The following RBFOX1 variants were observed in gnomAD, a reference collection of about 807,000 sequenced individuals.
RBFOX1 encodes RNA binding protein fox-1 homolog 1.
In RBFOX1, 8 loss-of-function variants were observed where a neutral mutation model predicts 57.7. That is an observed-to-expected ratio of 0.14 (90% CI 0.08 to 0.25). RBFOX1 has a LOEUF of 0.25. Among genes scored for constraint, RBFOX1 ranks in the 10% least tolerant of loss-of-function variants. The pLI is 1.00. For synonymous variants in RBFOX1, 326 were observed against 222.4 expected (o/e 1.47, Z -4.15); for missense variants, 611 against 548.5 (o/e 1.11, Z -1.14).
intron 2 of RBFOX1, among the ~76,000 whole-genome samples, chr16:5,550,223 T>C (rs1371514211): frequency 6.6e-6 from 1 of 152,120 alleles, no homozygotes; most frequent in Non-Finnish European, 1.5e-5. Context: ...TGGAGGACAT[T>C]GTAGGGTAGG....
At chr16:5,978,592 T>G (rs767378925) in intron 4 of RBFOX1, among the ~76,000 whole-genome samples, 5 of 152,188 alleles carry the variant, frequency 3.3e-5, no homozygotes, top group Admixed American at 6.5e-5. Flanking sequence ...GGTACCACAT[T>G]GCATTTGGTT....
intron 1 of RBFOX1, among the ~76,000 whole-genome samples, chr16:5,404,744 C>T (rs528126654): frequency 2.6e-5 from 4 of 152,290 alleles, no homozygotes; most frequent in South Asian, 4.1e-4. Flanking sequence ...GCCTGCAGGG[C>T]AAGATCCTGT....
intron 2 of RBFOX1, among the ~76,000 whole-genome samples, chr16:6,320,237 C>G (rs933798008): frequency 6.6e-6 from 1 of 152,148 alleles, no homozygotes; most frequent in South Asian, 2.1e-4. Flanking sequence ...GGAGATTAGA[C>G]TCGCAGCTTT....
rs56961445 is a variant in RBFOX1 at position 7,551,106 on chromosome 16, GA to G, written c.271-28662del. Among the ~76,000 whole-genome samples the G allele has an allele frequency of 7.4e-5, 10 of 135,434 alleles. 1 individual carries two copies. The highest frequency in any genetic ancestry group is 2.2e-4 in the African/African-American group (8 of 36,472). 88.8% of individuals were successfully genotyped at this position (135,434 alleles called of 152,430 possible). On this transcript the variant is annotated intron_variant, in intron 5 of 15. Transcript: ENST00000550418. ...CGAGACTCAAAAAAAAAAAAAAAAA[GA>G]AAAAAAAAGAATATTTACAGGACTT...
At chr16:5,487,036 C>A (rs1007911294) in intron 2 of RBFOX1, among the ~76,000 whole-genome samples, 1 of 152,140 alleles carries the variant, frequency 6.6e-6, no homozygotes, top group Non-Finnish European at 1.5e-5. Flanking sequence ...CTTAACTTCT[C>A]CCTGTTTCAT....
At chr16:6,694,875 C>T (rs1188140211) in intron 3 of RBFOX1, among the ~76,000 whole-genome samples, 3 of 151,902 alleles carry the variant, frequency 2.0e-5, no homozygotes, top group Non-Finnish European at 2.9e-5. Context: ...GGGAACCACA[C>T]GGCAACACAC....
At position 6,154,457 on chromosome 16, in the gene RBFOX1, C is replaced by T. The variant is rs1211608978; in HGVS notation, c.-127+134465C>T. On this transcript the variant is annotated intron_variant, in intron 1 of 15. Coordinates refer to ENST00000550418, the MANE Select transcript of RBFOX1 (RefSeq NM_018723.4). ...AGGCAGGGTATTGCATCTGAATAAGCCAGGTAGTGAATCTATTATCCTACA... is the reference window on the plus strand; with the variant it reads ...AGGCAGGGTATTGCATCTGAATAAGTCAGGTAGTGAATCTATTATCCTACA... Among the ~76,000 whole-genome samples the T allele has an allele frequency of 2.0e-5, 3 of 152,146 alleles. 1 individual carries two copies. Among genetic ancestry groups the T allele is most frequent in the South Asian group, 4.1e-4 (2 of 4,830 alleles).
intron 2 of RBFOX1, among the ~76,000 whole-genome samples, chr16:6,630,916 A>G (rs1176607204): frequency 1.3e-5 from 2 of 152,190 alleles, no homozygotes; most frequent in Non-Finnish European, 2.9e-5. Context: ...ATTTGAGTAC[A>G]TTAGACTTCA....
chr16:7,623,989 A>G (rs1287422217), intron 10 of RBFOX1, among the ~76,000 whole-genome samples: 2 of 152,172 alleles, frequency 1.3e-5, no homozygotes, highest in East Asian at 3.9e-4. Flanking sequence ...ATGATTCTAC[A>G]ACAGTGGACT....
chr16:6,278,260 C>G lies in RBFOX1; in HGVS notation c.-126-38735C>G, dbSNP rs144033319. 5.8e-3 allele frequency among the ~76,000 whole-genome samples: 872 copies of G among 151,450 alleles called. 1 individual carries two copies. The highest frequency in any genetic ancestry group is 0.01 in the Middle Eastern group (3 of 288). On this transcript the variant is annotated intron_variant, in intron 1 of 15. Transcript: ENST00000550418. Reference sequence around the variant, plus strand: ...TGCAGGCAATTTCCTGCCCTAGTGGCAGGGAGCAGGCATGTGCTTTAAAAT... The same window carrying G: ...TGCAGGCAATTTCCTGCCCTAGTGGGAGGGAGCAGGCATGTGCTTTAAAAT...
At chr16:6,656,930 CCCCTCTCCTCCCCTT>C (rs2098659657) in intron 3 of RBFOX1, among the ~76,000 whole-genome samples, 2 of 125,732 alleles carry the variant, frequency 1.6e-5, no homozygotes, top group African/African-American at 6.5e-5. Flanking sequence ...CTCCTCTCCT[CCCCTCTCCTCCCCTT>C]TCCTCTCCTC....
intron 3 of RBFOX1, among the ~76,000 whole-genome samples, chr16:5,757,611 G>A (rs1488109382): frequency 2.0e-5 from 3 of 152,166 alleles, no homozygotes; most frequent in African/African-American, 7.2e-5. Flanking sequence ...CAGCCACAGA[G>A]AGACCAGGAA....
intron 3 of RBFOX1, among the ~76,000 whole-genome samples, chr16:6,784,573 G>A (rs1460053267): frequency 6.6e-6 from 1 of 152,156 alleles, no homozygotes; most frequent in Admixed American, 6.5e-5. Context: ...TGAATTGCCT[G>A]TCTGAGAGGT....
At chr16:7,053,917 G>C (rs568781936) in intron 4 of RBFOX1, among the ~76,000 whole-genome samples, 3 of 152,152 alleles carry the variant, frequency 2.0e-5, no homozygotes, top group South Asian at 4.2e-4. Context: ...TGATTGGATA[G>C]AGCACACATA....
At chr16:5,891,257 C>G (rs756046243) in intron 4 of RBFOX1, among the ~76,000 whole-genome samples, 1 of 152,112 alleles carries the variant, frequency 6.6e-6, no homozygotes, top group East Asian at 1.9e-4. Flanking sequence ...GTGGTAGAAG[C>G]CAAGGGCACG....
At chr16:5,266,747 G>T (rs1000740776) in intron 1 of RBFOX1, among the ~76,000 whole-genome samples, 2 of 151,648 alleles carry the variant, frequency 1.3e-5, no homozygotes, top group Non-Finnish European at 2.9e-5. Flanking sequence ...TGCAGAGAGG[G>T]GGGGTCTCAC....
intron 1 of RBFOX1, among the ~76,000 whole-genome samples, chr16:6,217,714 C>A (rs1269449649): frequency 6.6e-6 from 1 of 152,180 alleles, no homozygotes; most frequent in Non-Finnish European, 1.5e-5. Flanking sequence ...CTAGTAGGCC[C>A]TCACAAATAT....
At chr16:7,709,489 C>G in intron 15 of RBFOX1, 1 of 1,473,532 alleles carries the variant, frequency 6.8e-7, no homozygotes, top group Non-Finnish European at 8.9e-7. Flanking sequence ...TGCTCATTCA[C>G]ATAGCCCCAA....
intron 1 of RBFOX1, among the ~76,000 whole-genome samples, chr16:6,256,261 A>ATATATATATGTG (rs1567788829): frequency 1.5e-4 from 16 of 105,098 alleles, no homozygotes; most frequent in African/African-American, 6.3e-4. Flanking sequence ...ATATATGTGT[A>ATATATATATGTG]TATATATATG....
Sources: gnomAD v4.1 joint callset for allele counts (sites outside exome capture counted in the v4.1 genomes callset) on GRCh38, gnomAD v4.1.1 for gene constraint, MANE v1.5 for transcripts, NCBI Gene and HGNC (gene_info 2026-07-23, HGNC 2026-07-21) for gene names.